CASZ1: variants seen among roughly 807,000 people sequenced by gnomAD.
CASZ1 encodes the protein castor zinc finger 1.
CASZ1 carries 28 observed loss-of-function variants against 135.2 expected under a neutral mutation model. The observed-to-expected ratio is 0.21, with a 90% confidence interval of 0.15 to 0.28. The LOEUF is 0.28. CASZ1 is among the 10% of genes least tolerant of loss of function. CASZ1 has a pLI of 1.00. For synonymous variants in CASZ1, 1,068 were observed against 1,073.4 expected, an observed-to-expected ratio of 0.99 and a Z score of 0.10; for missense variants, 2,161 against 2,453.3, an observed-to-expected ratio of 0.88 and a Z score of 2.52.
At chr1:10,716,999 G>C (rs284234) in intron 2 of CASZ1, among the ~76,000 whole-genome samples, 121,957 of 152,052 alleles carry the variant, frequency 0.8, 49,278 homozygotes, top group South Asian at 0.89. Context: ...ACCAGCACAG[G>C]CAGGCGGGGC....
At chr1:10,644,663 C>T (rs1464048709) in intron 18 of CASZ1, among the ~76,000 whole-genome samples, 1 of 152,228 alleles carries the variant, frequency 6.6e-6, no homozygotes, top group Non-Finnish European at 1.5e-5. Flanking sequence ...GATGAGGTCC[C>T]AGGGCGGCTG....
chr1:10,639,243 CGCGGCCCGGGG>C lies in CASZ1; in HGVS notation c.4968_4978del (p.Pro1657ArgfsTer166). 1.1e-6 allele frequency: 1 copy of C among 927,234 alleles called. No individual in the cohort carries two copies. Among genetic ancestry groups the C allele is most frequent in the Non-Finnish European group, 1.3e-6 (1 of 778,334 alleles). The allele number at this position is 927,234 out of a possible 1,614,324, so 57.4% of individuals were successfully genotyped here. A position where few individuals can be genotyped will look rare whatever the true frequency, so the allele number is the denominator to read the frequency against. On this transcript the variant is annotated frameshift_variant, in exon 21 of 21. Coordinates refer to ENST00000377022, the MANE Select transcript of CASZ1 (RefSeq NM_001079843.3). LOFTEE classifies it high-confidence loss of function. The surrounding 1 kb of genome is among the most constrained non-coding windows in gnomAD (Gnocchi z 4.0). ...GGCGGCGGCGGCGGCGGCGCCCTCG[CGCGGCCCGGGG>C]GCGGCGGCGTCGGGCGGGCCGGGGT...
intron 15 of CASZ1, 53 bp downstream of exon 15, chr1:10,649,017 C>A: frequency 6.3e-7 from 1 of 1,594,520 alleles, no homozygotes; most frequent in South Asian, 1.1e-5. Flanking sequence ...CACCCCAGAG[C>A]CAGGCTGGGA....
At position 10,789,919 on chromosome 1, in the gene CASZ1, C is replaced by A. The variant is rs1214963942; in HGVS notation, c.-234+6645G>T. Among the ~76,000 whole-genome samples, 12 of 152,114 alleles carry A rather than the reference C, an allele frequency of 7.9e-5. No individual in the cohort carries two copies. In the East Asian group the frequency reaches 2.3e-3, roughly 29 times the overall value. ...TTGCAGAATTTACGACAGGCTTTAG[C>A]TTTTTTTCCCCAAGCTGTGGCCTCA... is the stretch of plus-strand genomic sequence containing the variant. On this transcript the variant is annotated intron_variant, in intron 1 of 20. Transcript: ENST00000377022.
At chr1:10,695,899 G>T (rs973682959) in intron 3 of CASZ1, among the ~76,000 whole-genome samples, 1 of 152,050 alleles carries the variant, frequency 6.6e-6, no homozygotes, top group Non-Finnish European at 1.5e-5. Context: ...GGAAGGACCT[G>T]GTTCTCCGTC....
chr1:10,738,486 G>C (rs770467224), intron 2 of CASZ1, among the ~76,000 whole-genome samples: 1 of 152,248 alleles, frequency 6.6e-6, no homozygotes, highest in African/African-American at 2.4e-5. Flanking sequence ...GCTGGCTGTG[G>C]ACACAGGCTC....
At position 10,766,840 on chromosome 1, in the gene CASZ1, G is replaced by C. The variant is rs186349971; in HGVS notation, c.-233-5983C>G. ...AGATGGTTCTCTCAACTGGCGAGTG[G>C]AGGGTTGAAGAACTGGGACCCACAG... On this transcript the variant is annotated intron_variant, in intron 1 of 20. Transcript: ENST00000377022. 1.6e-3 allele frequency among the ~76,000 whole-genome samples: 237 copies of C among 152,300 alleles called. 2 individuals carry two copies. The highest frequency in any genetic ancestry group is 5.6e-3 in the African/African-American group (231 of 41,560).
chr1:10,763,485 C>T (rs139796033), intron 1 of CASZ1, among the ~76,000 whole-genome samples: 114 of 152,296 alleles, frequency 7.5e-4, no homozygotes, highest in African/African-American at 2.6e-3. Context: ...AGGGTGTTAA[C>T]AAGCACTCTA....
chr1:10,646,924 GGGGCAGAGC>G lies in CASZ1; in HGVS notation c.3498-607_3498-599del, dbSNP rs1642379462. 1.3e-5 allele frequency among the ~76,000 whole-genome samples: 2 copies of G among 152,222 alleles called. No homozygotes were observed. The highest frequency in any genetic ancestry group is 4.8e-5 in the African/African-American group (2 of 41,458). On this transcript the variant is annotated intron_variant, in intron 16 of 20. Coordinates refer to ENST00000377022, the MANE Select transcript of CASZ1 (RefSeq NM_001079843.3). The surrounding 1 kb of genome is among the most constrained non-coding windows in gnomAD (Gnocchi z 6.4). ...TTGCCGGCGGAGTGGGAGAGCTGCTGGGGCAGAGCGGGTGTGCTGGCCTGCCCTAGGCCG... is the reference window on the plus strand; with the variant it reads ...TTGCCGGCGGAGTGGGAGAGCTGCTGGGGTGTGCTGGCCTGCCCTAGGCCG...
rs1459519226 is a variant in CASZ1 at position 10,643,214 on chromosome 1, C to T, written c.3966G>A (p.Arg1322=). The part of the protein sequence containing the change: ...LLKHQMTSHA[R]KHMRRMLGKN... ...TCCCCAGCATCCTCCGCATGTGCTT[C>T]CGCGCGTGGGAGGTCATCTGGTGCT... The change falls in exon 19 of 21, where the codon CGG becomes CGA. Residue 1322 remains arginine (R), a synonymous_variant. Coordinates refer to ENST00000377022, the MANE Select transcript of CASZ1 (RefSeq NM_001079843.3). 6.2e-7 allele frequency: 1 copy of T among 1,612,712 alleles called. No homozygotes were observed. Among genetic ancestry groups the T allele is most frequent in the Non-Finnish European group, 8.5e-7 (1 of 1,180,002 alleles).
chr1:10,662,602 ACT>A (rs1643085851), intron 5 of CASZ1, among the ~76,000 whole-genome samples: 2 of 102,030 alleles, frequency 2.0e-5, no homozygotes, highest in East Asian at 2.8e-4. Context: ...AATCACACAC[ACT>A]CTCACATACA....
At position 10,647,946 on chromosome 1, in the gene CASZ1, C is replaced by A. The variant is rs750478328; in HGVS notation, c.3352G>T (p.Ala1118Ser). ...ATGGTGGAAGCCAGCTGCTTCCAGG[C>A]GAGCAGGGTGGGGGTGGAGGGCACG... ...ASVPSTPTLLAWKQLASTIPQ... is the reference protein window; with the variant it reads ...ASVPSTPTLLSWKQLASTIPQ... The change falls in exon 16 of 21, where the codon GCC (alanine) becomes TCC (serine). Residue 1118 changes from alanine to serine, a missense_variant. By Grantham distance (99) the Ala-to-Ser change is moderately conservative. This residue lies in a region of CASZ1 where 349 missense variants were observed against 460.8 expected (regional missense o/e 0.76). Transcript: ENST00000377022. The surrounding 1 kb of genome is among the most constrained non-coding windows in gnomAD (Gnocchi z 4.9). 7.5e-6 allele frequency: 12 copies of A among 1,610,006 alleles called. No homozygotes were observed. Among genetic ancestry groups the A allele is most frequent in the Non-Finnish European group, 1.0e-5 (12 of 1,177,760 alleles).
chr1:10,651,438 G>C (rs1187553932), intron 11 of CASZ1: 2 of 168,130 alleles, frequency 1.2e-5, no homozygotes, highest in Non-Finnish European at 1.3e-5. Context: ...AATGCTGAGG[G>C]AAAGTGGCAG....
At chr1:10,673,401 G>A (rs1462658666) in intron 4 of CASZ1, among the ~76,000 whole-genome samples, 4 of 151,872 alleles carry the variant, frequency 2.6e-5, no homozygotes, top group Admixed American at 6.5e-5. Flanking sequence ...CTCTCCCTTC[G>A]CCTAACAGCC....
At position 10,721,300 on chromosome 1, in the gene CASZ1, A is replaced by G. The variant is rs1468206443; in HGVS notation, c.-76-15756T>C. Among the ~76,000 whole-genome samples, 1 of 152,098 alleles carries G rather than the reference A, an allele frequency of 6.6e-6. No individual in the cohort carries two copies. Among genetic ancestry groups the G allele is most frequent in the Non-Finnish European group, 1.5e-5 (1 of 68,018 alleles). On this transcript the variant is annotated intron_variant, in intron 2 of 20. Coordinates refer to ENST00000377022, the MANE Select transcript of CASZ1 (RefSeq NM_001079843.3). This position sits in a 1 kb window ranked among gnomAD's most constrained non-coding sequence, Gnocchi z 5.4. ...CACCCCCTGATCTTAGGGAAAAAAA[A>G]ACCCATCAAAATAACTATTTTATGT...
Position 10,650,693 on chromosome 1 carries a change from T to G in CASZ1, c.2879A>C (p.Lys960Thr). The G allele has an allele frequency of 3.7e-6, 6 of 1,613,206 alleles. No individual in the cohort carries two copies. The highest frequency in any genetic ancestry group is 5.1e-6 in the Non-Finnish European group (6 of 1,179,100). ...NSSLLSSLMN[K>T]MSQGNPGLGS... is the part of the protein sequence containing the mutation. ...AGGCGTGTGATGGATGGCTCTTACC[T>G]TATTCATAAGCGAGGATAAAAGAGA... is the stretch of plus-strand genomic sequence containing the variant. Residue 960 changes from lysine (K) to threonine (T), a missense_variant and splice_region_variant, in exon 13 of 21, where the codon AAG becomes ACG. By Grantham distance (78) the Lys-to-Thr change is moderately conservative (BLOSUM62 -1). Coordinates refer to ENST00000377022, the MANE Select transcript of CASZ1 (RefSeq NM_001079843.3).
intron 20 of CASZ1, chr1:10,642,362 A>AG (rs752798050): frequency 6.5e-6 from 1 of 154,784 alleles, no homozygotes; most frequent in African/African-American, 2.4e-5. Flanking sequence ...AAAAAAAAAA[A>AG]GAAACCAAAA....
At chr1:10,659,599 G>A (rs1427561504) in intron 6 of CASZ1, 103 bp downstream of exon 6, 2 of 859,948 alleles carry the variant, frequency 2.3e-6, no homozygotes, top group Admixed American at 2.0e-5. Flanking sequence ...TAAGGTGTGA[G>A]CGGCAGGTGT....
At chr1:10,655,522 G>A in intron 9 of CASZ1, 127 bp downstream of exon 9, 5 of 908,866 alleles carry the variant, frequency 5.5e-6, no homozygotes, top group Non-Finnish European at 8.2e-6. Context: ...CCAGGGGAAA[G>A]AGAGGCTCCT....
Sources: gnomAD v4.1 joint callset for allele counts (sites outside exome capture counted in the v4.1 genomes callset) on GRCh38, gnomAD v4.1.1 for gene constraint, gnomAD v4.1.1 regional missense constraint, Gnocchi (gnomAD v3.1) non-coding constraint, MANE v1.5 for transcripts, NCBI Gene and HGNC (gene_info 2026-07-23, HGNC 2026-07-21) for gene names.